The following CNTNAP5 variants were observed in gnomAD, a reference collection of about 807,000 sequenced individuals.
CNTNAP5 encodes contactin-associated protein-like 5.
In CNTNAP5, 72 loss-of-function variants were observed where a neutral mutation model predicts 150.2. The ratio of observed to expected loss-of-function variants is 0.48; its 90% confidence interval spans 0.40 to 0.58. The LOEUF (loss-of-function observed/expected upper bound fraction) is 0.58, where lower values mean the gene tolerates loss of function less well. CNTNAP5 is among the 20% of genes least tolerant of loss of function. The pLI is 0.00. For missense variants in CNTNAP5, 1,636 were observed against 1,626.2 expected, an observed-to-expected ratio of 1.01 and a Z score of -0.10; for synonymous variants, 672 against 619.8, an observed-to-expected ratio of 1.08 and a Z score of -1.25.
intron 1 of CNTNAP5, among the ~76,000 whole-genome samples, chr2:124,035,287 C>G (rs1186001352): frequency 6.6e-6 from 1 of 152,072 alleles, no homozygotes; most frequent in Non-Finnish European, 1.5e-5. Flanking sequence ...TCTTTTCCCC[C>G]TGCTCCTTTA....
chr2:124,443,082 G>T (rs894422376), intron 5 of CNTNAP5, among the ~76,000 whole-genome samples: 4 of 151,894 alleles, frequency 2.6e-5, no homozygotes, highest in Non-Finnish European at 5.9e-5. Flanking sequence ...AAGAATGAAC[G>T]CTACAAATAC....
chr2:124,811,668 G>C (rs573171975), intron 19 of CNTNAP5, among the ~76,000 whole-genome samples: 2 of 146,738 alleles, frequency 1.4e-5, no homozygotes, highest in African/African-American at 5.1e-5. Context: ...CAGGTCAGGC[G>C]CGGTGGCTCA....
At chr2:124,513,601 A>T (rs1694642215) in intron 8 of CNTNAP5, among the ~76,000 whole-genome samples, 1 of 152,200 alleles carries the variant, frequency 6.6e-6, no homozygotes, top group Non-Finnish European at 1.5e-5. Context: ...AGTGGAGTTG[A>T]CCTCTAAAAC....
At chr2:124,453,718 G>A (rs1197047829) in intron 6 of CNTNAP5, among the ~76,000 whole-genome samples, 2 of 152,028 alleles carry the variant, frequency 1.3e-5, no homozygotes, top group Admixed American at 1.3e-4. Flanking sequence ...AAGGGATTGG[G>A]GCCTTATCTT....
intron 3 of CNTNAP5, among the ~76,000 whole-genome samples, chr2:124,340,613 TC>T (rs1689585437): frequency 6.6e-6 from 1 of 151,826 alleles, no homozygotes; most frequent in Admixed American, 6.6e-5. Context: ...CCCAGTAATC[TC>T]TTGGAAATAC....
At chr2:124,754,231 C>T (rs970830968) in intron 14 of CNTNAP5, among the ~76,000 whole-genome samples, 1 of 152,180 alleles carries the variant, frequency 6.6e-6, no homozygotes, top group Admixed American at 6.6e-5. Context: ...CAATTCACCT[C>T]AGGGCACACT....
rs749040103 is a variant in CNTNAP5, at chr2:124,242,264, C to G, written c.252C>G (p.Asn84Lys). The change falls in exon 3 of 24, where the codon AAC (asparagine) becomes AAG (lysine). Residue 84 changes from asparagine (N) to lysine (K), a missense_variant. Asn to Lys is a moderately conservative substitution (Grantham distance 94). Coordinates refer to ENST00000682447, the MANE Select transcript of CNTNAP5 (RefSeq NM_001367498.1). ...AQQWLQMDLG[N>K]RVEITAVATQ... ...AGTGGCTCCAGATGGACCTGGGAAA[C>G]AGAGTAGAGATTACAGCAGTGGCCA... The G allele has an allele frequency of 1.2e-6, 2 of 1,607,778 alleles. No individual in the cohort carries two copies. Among genetic ancestry groups the G allele is most frequent in the East Asian group, 4.5e-5 (2 of 44,440 alleles).
chr2:124,045,504 G>A (rs1434557444), intron 1 of CNTNAP5, among the ~76,000 whole-genome samples: 1 of 151,610 alleles, frequency 6.6e-6, no homozygotes, highest in East Asian at 1.9e-4. Context: ...CACCATGTTG[G>A]TCAGGCTGGT....
At chr2:124,080,163 T>TA (rs1263936616) in intron 1 of CNTNAP5, among the ~76,000 whole-genome samples, 10 of 152,170 alleles carry the variant, frequency 6.6e-5, no homozygotes, top group Non-Finnish European at 1.0e-4. Context: ...GCATTTTCCT[T>TA]ACATTTATTT....
chr2:124,502,437 C>A (rs1198018695), intron 7 of CNTNAP5, among the ~76,000 whole-genome samples: 1 of 152,322 alleles, frequency 6.6e-6, no homozygotes, highest in Middle Eastern at 3.4e-3. Context: ...TTTTAGATAA[C>A]TCCTGGAAAG....
At chr2:124,670,472 G>C (rs1275139233) in intron 13 of CNTNAP5, among the ~76,000 whole-genome samples, 1 of 152,036 alleles carries the variant, frequency 6.6e-6, no homozygotes, top group Non-Finnish European at 1.5e-5. Context: ...ATACTAGACT[G>C]TTATCAAACA....
chr2:124,818,550 CAATTT>C (rs1173255279), intron 19 of CNTNAP5, among the ~76,000 whole-genome samples: 1 of 152,086 alleles, frequency 6.6e-6, no homozygotes, highest in Non-Finnish European at 1.5e-5. Context: ...AATACATCTC[CAATTT>C]AGTACCTCTT....
chr2:124,706,746 C>CAAGAAGAAGAAGAAGAAG (rs747166844), intron 13 of CNTNAP5, among the ~76,000 whole-genome samples: 839 of 52,100 alleles, frequency 0.016, 28 homozygotes, highest in African/African-American at 0.021. Context: ...GACTCTGTTT[C>CAAGAAGAAGAAGAAGAAG]AAGAAGAAGA....
chr2:124,025,647 G>T lies in CNTNAP5; in HGVS notation c.-4G>T. The T allele has an allele frequency of 6.2e-7, 1 of 1,613,802 alleles. No homozygotes were observed. The highest frequency in any genetic ancestry group is 8.5e-7 in the Non-Finnish European group (1 of 1,179,802). ...GATTGGGAGGGACCGCTCACTCGGG[G>T]GAAATGGATTCTTTACCACGGCTGA... On this transcript the variant is annotated 5_prime_UTR_variant, in exon 1 of 24. Coordinates refer to ENST00000682447, the MANE Select transcript of CNTNAP5 (RefSeq NM_001367498.1).
chr2:124,204,832 G>T (rs1366245537), intron 1 of CNTNAP5, among the ~76,000 whole-genome samples: 2 of 151,516 alleles, frequency 1.3e-5, no homozygotes, highest in African/African-American at 4.8e-5. Context: ...AAATCAAGAT[G>T]AGCTATGGGG....
chr2:124,325,725 C>T lies in CNTNAP5; in HGVS notation c.381+83332C>T, dbSNP rs188644287. On this transcript the variant is annotated intron_variant, in intron 3 of 23. Transcript: ENST00000682447. ...AAAGGGAGGTGAGGCCATTTCGAAGCTTCCTTCCCAGTAGAATACTGTACA... is the reference window on the plus strand; with the variant it reads ...AAAGGGAGGTGAGGCCATTTCGAAGTTTCCTTCCCAGTAGAATACTGTACA... Among the ~76,000 whole-genome samples the T allele has an allele frequency of 1.3e-4, 20 of 152,322 alleles. 1 individual carries two copies. The highest frequency in any genetic ancestry group is 1.3e-3 in the Admixed American group (20 of 15,296).
intron 12 of CNTNAP5, among the ~76,000 whole-genome samples, chr2:124,623,476 A>C (rs977670774): frequency 6.6e-6 from 1 of 152,218 alleles, no homozygotes; most frequent in African/African-American, 2.4e-5. Flanking sequence ...CTTCTGAATT[A>C]CTATATTATT....
intron 1 of CNTNAP5, among the ~76,000 whole-genome samples, chr2:124,181,449 G>C (rs1359090825): frequency 7.0e-6 from 1 of 142,434 alleles, no homozygotes; most frequent in East Asian, 1.9e-4. Flanking sequence ...CTATATTCAG[G>C]TTTTCCTTTT....
chr2:124,831,185 C>T (rs146651485), intron 19 of CNTNAP5, among the ~76,000 whole-genome samples: 395 of 152,088 alleles, frequency 2.6e-3, no homozygotes, highest in African/African-American at 9.0e-3. Context: ...TCTCTTTTCA[C>T]AACTATATCA....
Sources: gnomAD v4.1 joint callset for allele counts (sites outside exome capture counted in the v4.1 genomes callset) on GRCh38, gnomAD v4.1.1 for gene constraint, MANE v1.5 for transcripts, NCBI Gene and HGNC (gene_info 2026-07-23, HGNC 2026-07-21) for gene names.